The following RNF130 variants were observed in gnomAD, a reference collection of about 807,000 sequenced individuals.
The protein encoded by RNF130 is E3 ubiquitin-protein ligase RNF130.
Under a neutral mutation model 44.6 loss-of-function variants are expected in RNF130, and 21 were observed. The ratio of observed to expected loss-of-function variants is 0.47; its 90% CI spans 0.33 to 0.68. RNF130 has a LOEUF of 0.68. Ranked by LOEUF, RNF130 falls within the 30% of genes least tolerant of loss-of-function variation. RNF130 has a pLI of 0.02. For missense variants in RNF130, 479 were observed against 560.6 expected, an observed-to-expected ratio of 0.85 and a Z score of 1.47; for synonymous variants, 214 against 210.4, an observed-to-expected ratio of 1.02 and a Z score of -0.15.
At chr5:180,062,638 T>C (rs1314633994) in intron 1 of RNF130, among the ~76,000 whole-genome samples, 2 of 152,216 alleles carry the variant, frequency 1.3e-5, no homozygotes, top group African/African-American at 4.8e-5. Flanking sequence ...AGGACTTGAA[T>C]CAGACAAGGA....
chr5:179,963,757 T>A, intron 7 of RNF130, 193 bp from the exon 8 acceptor site: 1 of 585,564 alleles, frequency 1.7e-6, no homozygotes, highest in Non-Finnish European at 3.1e-6. Flanking sequence ...TGGTGAAAGC[T>A]GCAAGGGAGA....
intron 6 of RNF130, among the ~76,000 whole-genome samples, chr5:179,968,325 G>A (rs6883196): frequency 0.59 from 87,579 of 148,168 alleles, 25,582 homozygotes; most frequent in Middle Eastern, 0.78. Context: ...AAAAAAGAAG[G>A]CGGCGGCTAG....
At chr5:179,976,667 T>C (rs1762721569) in intron 5 of RNF130, 1 of 152,042 alleles carries the variant, frequency 6.6e-6, no homozygotes, top group Non-Finnish European at 1.5e-5. Context: ...TCTGTTTCAG[T>C]ACATGTAATT....
intron 2 of RNF130, among the ~76,000 whole-genome samples, chr5:180,024,274 T>C (rs986640184): frequency 3.3e-5 from 5 of 152,096 alleles, no homozygotes; most frequent in Non-Finnish European, 7.4e-5. Context: ...ACTAAGGAAA[T>C]ATGAATAAAG....
rs961937950 is a variant in RNF130, at chr5:180,040,382, C to A, written c.442+71G>T. The A allele has an allele frequency of 6.5e-6, 9 of 1,385,392 alleles. No homozygotes were observed. In the African/African-American group the frequency reaches 8.6e-5, roughly 13 times the overall value. The allele number at this position is 1,385,392 out of a possible 1,614,324, so 85.8% of individuals were successfully genotyped here. On this transcript the variant is annotated intron_variant, in intron 2 of 8. Coordinates refer to ENST00000521389, the MANE Select transcript of RNF130 (RefSeq NM_018434.6). ...GGAAATTACATGGCTTCAGCAGAGG[C>A]AGAATGCTTACCTATAAAGCAATGA... is the stretch of plus-strand genomic sequence containing the variant.
intron 7 of RNF130, among the ~76,000 whole-genome samples, chr5:179,931,639 C>T (rs769948387): frequency 6.6e-6 from 1 of 151,948 alleles, no homozygotes; most frequent in East Asian, 1.9e-4. Context: ...CGTGGTGGTG[C>T]CTGCCTGTAA....
intron 2 of RNF130, among the ~76,000 whole-genome samples, chr5:180,024,184 G>T (rs1245647948): frequency 6.6e-6 from 1 of 152,160 alleles, no homozygotes; most frequent in African/African-American, 2.4e-5. Context: ...ACAGCCAAGA[G>T]AAAACTAATG....
rs372070750 is a variant in RNF130, at chr5:179,991,339, T to C, written c.694-11139A>G. Among the ~76,000 whole-genome samples the C allele has an allele frequency of 6.5e-4, 99 of 152,362 alleles. 1 individual carries two copies. The highest frequency in any genetic ancestry group is 2.3e-3 in the African/African-American group (94 of 41,590). On this transcript the variant is annotated intron_variant, in intron 3 of 8. Coordinates refer to ENST00000521389, the MANE Select transcript of RNF130 (RefSeq NM_018434.6). ...GTCATGGTGAAGTCCTTTTGCAATG[T>C]ATTTGCCTGTTAATCTTTCTGCCTC...
intron 1 of RNF130, among the ~76,000 whole-genome samples, chr5:180,053,298 G>A (rs1470098479): frequency 2.6e-5 from 4 of 152,010 alleles, no homozygotes; most frequent in African/African-American, 9.7e-5. Flanking sequence ...GTGAACAGCT[G>A]CCCGAACCCA....
intron 6 of RNF130, 29 bp downstream of exon 6, chr5:179,970,381 A>G: frequency 6.6e-7 from 1 of 1,512,388 alleles, no homozygotes; most frequent in Non-Finnish European, 9.1e-7. Flanking sequence ...AATATACAAA[A>G]GTGGTAACAA....
chr5:179,965,551 T>C (rs1762423223), intron 7 of RNF130, among the ~76,000 whole-genome samples: 1 of 152,218 alleles, frequency 6.6e-6, no homozygotes, highest in South Asian at 2.1e-4. Context: ...AAATGTTTGA[T>C]CAATGAAGGA....
intron 2 of RNF130, among the ~76,000 whole-genome samples, chr5:180,025,454 C>T (rs1438810768): frequency 6.6e-6 from 1 of 152,174 alleles, no homozygotes; most frequent in East Asian, 1.9e-4. Flanking sequence ...AGAGGACAGT[C>T]TCATGTATCT....
At chr5:180,040,926 C>T (rs981448783) in intron 1 of RNF130, among the ~76,000 whole-genome samples, 3 of 152,122 alleles carry the variant, frequency 2.0e-5, no homozygotes, top group Non-Finnish European at 4.4e-5. Context: ...TGATAATATC[C>T]AGTACAGGGT....
chr5:179,968,326 C>T (rs6884272), intron 6 of RNF130, among the ~76,000 whole-genome samples: 2 of 147,898 alleles, frequency 1.4e-5, no homozygotes, highest in African/African-American at 4.9e-5. Context: ...AAAAAGAAGG[C>T]GGCGGCTAGC....
intron 1 of RNF130, among the ~76,000 whole-genome samples, chr5:180,066,311 G>A (rs890115707): frequency 6.6e-6 from 1 of 152,202 alleles, no homozygotes; most frequent in Non-Finnish European, 1.5e-5. Flanking sequence ...CTGCCGCCAT[G>A]TAAGAAGTAC....
At chr5:179,935,814 G>A (rs945719326) in intron 7 of RNF130, among the ~76,000 whole-genome samples, 6 of 151,572 alleles carry the variant, frequency 4.0e-5, no homozygotes, top group African/African-American at 9.7e-5. Flanking sequence ...ATTATGACAC[G>A]TATCCTTGAT....
downstream of RNF130, among the ~76,000 whole-genome samples, chr5:179,954,406 G>A (rs1182563604): frequency 6.6e-6 from 1 of 152,096 alleles, no homozygotes; most frequent in African/African-American, 2.4e-5. Flanking sequence ...ACACAAAGAA[G>A]TTCTGACACA....
chr5:180,034,732 A>T (rs142255823), intron 2 of RNF130, among the ~76,000 whole-genome samples: 70 of 152,296 alleles, frequency 4.6e-4, no homozygotes, highest in African/African-American at 1.6e-3. Context: ...GATTCCCACC[A>T]TTACCTAATA....
intron 1 of RNF130, among the ~76,000 whole-genome samples, chr5:180,053,736 CT>C (rs1266619866): frequency 4.6e-5 from 7 of 152,246 alleles, no homozygotes; most frequent in African/African-American, 1.7e-4. Context: ...TTTGCTTTCT[CT>C]ACCACAGAGA....
Sources: allele counts gnomAD v4.1 joint callset (sites outside exome capture counted in the v4.1 genomes callset), GRCh38; gene constraint gnomAD v4.1.1; transcripts MANE v1.5; gene names NCBI Gene and HGNC (gene_info 2026-07-23, HGNC 2026-07-21).